RFC3: variants seen among roughly 807,000 people sequenced by gnomAD.
The protein encoded by RFC3 is A1 38 kDa subunit.
Under a neutral mutation model 45.1 loss-of-function variants are expected in RFC3, and 41 were observed. The observed-to-expected ratio is 0.91, with a 90% confidence interval of 0.71 to 1.18. The LOEUF (loss-of-function observed/expected upper bound fraction) is 1.18. RFC3 is among the 50% of genes most tolerant of loss of function. RFC3 has a pLI of 0.00. For synonymous variants in RFC3, 149 were observed against 144.0 expected (o/e 1.03, Z -0.25); for missense variants, 423 against 428.1 (o/e 0.99, Z 0.10).
At chr13:33,898,442 A>T (rs535790347) in intron 8 of RFC3, among the ~76,000 whole-genome samples, 2 of 151,990 alleles carry the variant, frequency 1.3e-5, no homozygotes, top group Non-Finnish European at 2.9e-5. Flanking sequence ...AGGAAATTTA[A>T]AAATTTATTG....
At chr13:33,940,737 G>C (rs532948858) in intron 8 of RFC3, among the ~76,000 whole-genome samples, 1 of 152,248 alleles carries the variant, frequency 6.6e-6, no homozygotes, top group East Asian at 1.9e-4. Flanking sequence ...TGATCATGCT[G>C]AAACCTTACA....
chr13:33,878,198 AG>A (rs1185891734), intron 8 of RFC3, among the ~76,000 whole-genome samples: 1 of 152,216 alleles, frequency 6.6e-6, no homozygotes, highest in Non-Finnish European at 1.5e-5. Flanking sequence ...TTTGATATCA[AG>A]GGACGTGTCT....
At chr13:33,973,655 CT>C in the RFC3 span, among the ~76,000 whole-genome samples, 572 of 134,800 alleles carry the variant, frequency 4.2e-3, no homozygotes, top group Non-Finnish European at 5.4e-3. Context: ...TCTTCTTCTT[CT>C]TTTTTTTTTT....
chr13:33,874,729 A>G (rs1415623589), intron 8 of RFC3, among the ~76,000 whole-genome samples: 2 of 152,242 alleles, frequency 1.3e-5, no homozygotes, highest in Admixed American at 6.5e-5. Context: ...ATGAGGAAAT[A>G]TATACCTGGA....
intron 8 of RFC3, among the ~76,000 whole-genome samples, chr13:33,949,818 C>T (rs1223855785): frequency 6.6e-6 from 1 of 152,132 alleles, no homozygotes; most frequent in Non-Finnish European, 1.5e-5. Context: ...TTGAATAGAA[C>T]AAAAAGACTG....
chr13:33,931,479 A>T (rs1386594902), intron 8 of RFC3, among the ~76,000 whole-genome samples: 2 of 152,116 alleles, frequency 1.3e-5, no homozygotes, highest in East Asian at 3.9e-4. Context: ...AGTGTGAGAC[A>T]AGATATTACC....
chr13:33,837,173 G>T lies in RFC3; in HGVS notation c.*878G>T, dbSNP rs545933665. On this transcript the variant is annotated 3_prime_UTR_variant, in exon 9 of 9. Coordinates refer to ENST00000380071, the MANE Select transcript of RFC3 (RefSeq NM_002915.4). ...CCAGTGAAACTATGATCCCAATCAAGGTATAGATGCCGTCACCCCAAAAAG... is the reference window on the plus strand; with the variant it reads ...CCAGTGAAACTATGATCCCAATCAATGTATAGATGCCGTCACCCCAAAAAG... The T allele has an allele frequency of 5.5e-6, 3 of 547,844 alleles. No homozygotes were observed. The highest frequency in any genetic ancestry group is 1.6e-4 in the South Asian group (2 of 12,496). The allele number at this position is 547,844 out of a possible 1,614,324, so 33.9% of individuals were successfully genotyped here.
chr13:33,925,387 T>TATACATACATAGTGTACTATATAC (rs1566030758), intron 8 of RFC3, among the ~76,000 whole-genome samples: 15 of 124,720 alleles, frequency 1.2e-4, no homozygotes, highest in African/African-American at 6.4e-4. Context: ...TAGTGTACTA[T>TATACATACATAGTGTACTATATAC]ATACATACAT....
intron 8 of RFC3, among the ~76,000 whole-genome samples, chr13:33,861,231 A>G (rs2082338938): frequency 6.6e-6 from 1 of 152,236 alleles, no homozygotes; most frequent in Non-Finnish European, 1.5e-5. Flanking sequence ...TTCTTAGAGC[A>G]TTGATGATAA....
intron 8 of RFC3, among the ~76,000 whole-genome samples, chr13:33,898,811 G>A (rs560394041): frequency 6.6e-6 from 1 of 151,822 alleles, no homozygotes; most frequent in African/African-American, 2.4e-5. Flanking sequence ...TGAAAAAGGA[G>A]TCATAAAAAC....
At chr13:33,900,469 T>G (rs1241943535) in intron 8 of RFC3, among the ~76,000 whole-genome samples, 10 of 151,814 alleles carry the variant, frequency 6.6e-5, no homozygotes, top group African/African-American at 2.4e-4. Context: ...AAAAACCTGG[T>G]TAACTATCTG....
intron 2 of RFC3, among the ~76,000 whole-genome samples, chr13:33,822,326 C>T (rs1427643191): frequency 2.0e-5 from 3 of 152,098 alleles, no homozygotes; most frequent in Non-Finnish European, 4.4e-5. Flanking sequence ...TATCTGTTTG[C>T]CCCAGGTGAC....
intron 8 of RFC3, among the ~76,000 whole-genome samples, chr13:33,871,799 C>G: frequency 6.6e-6 from 1 of 152,220 alleles, no homozygotes; most frequent in Non-Finnish European, 1.5e-5. Flanking sequence ...GGCATGGCAG[C>G]TGTGCCACTC....
chr13:33,901,063 G>A (rs1240666521), intron 8 of RFC3, among the ~76,000 whole-genome samples: 1 of 151,924 alleles, frequency 6.6e-6, no homozygotes, highest in Non-Finnish European at 1.5e-5. Flanking sequence ...AGGATGTGGA[G>A]AGAGGGGGAC....
chr13:33,826,800 A>G (rs1439869658), intron 4 of RFC3, among the ~76,000 whole-genome samples: 1 of 151,690 alleles, frequency 6.6e-6, no homozygotes, highest in African/African-American at 2.4e-5. Context: ...CCTTTTTCCA[A>G]TTTTTATGGC....
At chr13:33,924,611 T>C (rs1389283006) in intron 8 of RFC3, among the ~76,000 whole-genome samples, 3 of 150,114 alleles carry the variant, frequency 2.0e-5, no homozygotes, top group African/African-American at 7.3e-5. Flanking sequence ...TATATATATG[T>C]AAATATATAT....
chr13:33,859,142 A>T (rs916079808), intron 8 of RFC3, among the ~76,000 whole-genome samples: 1 of 152,182 alleles, frequency 6.6e-6, no homozygotes, highest in Non-Finnish European at 1.5e-5. Flanking sequence ...CAGGCTTTTG[A>T]GACTCAAAAA....
intron 8 of RFC3, among the ~76,000 whole-genome samples, chr13:33,900,481 A>C (rs1170075950): frequency 1.3e-5 from 2 of 151,962 alleles, no homozygotes; most frequent in African/African-American, 4.8e-5. Context: ...AACTATCTGC[A>C]GAAGAATGAA....
chr13:33,914,305 G>A (rs539700904), intron 8 of RFC3, among the ~76,000 whole-genome samples: 1 of 152,206 alleles, frequency 6.6e-6, no homozygotes, highest in Non-Finnish European at 1.5e-5. Context: ...ATGAGCATTT[G>A]AAAAGTAATT....
Sources: gnomAD v4.1 joint callset for allele counts (sites outside exome capture counted in the v4.1 genomes callset) on GRCh38, gnomAD v4.1.1 for gene constraint, MANE v1.5 for transcripts, NCBI Gene and HGNC (gene_info 2026-07-23, HGNC 2026-07-21) for gene names.